Variants in CFAP299 observed in about 807,000 individuals in gnomAD.
The protein encoded by CFAP299 is cilia and flagella associated protein 299.
Under a neutral mutation model 27.0 loss-of-function variants are expected in CFAP299, and 21 were observed. The ratio of observed to expected loss-of-function variants is 0.78; its 90% confidence interval spans 0.55 to 1.12. The LOEUF (loss-of-function observed/expected upper bound fraction) is 1.12, where lower values mean the gene tolerates loss of function less well. CFAP299 is among the 50% of genes most tolerant of loss of function. The pLI is 0.00. For missense variants in CFAP299, 310 were observed against 276.6 expected (o/e 1.12, Z -0.86); for synonymous variants, 104 against 98.1 (o/e 1.06, Z -0.36).
In CFAP299 at chr4:80,599,036, T is replaced by C. The variant is rs180719509; in HGVS notation, c.333+15853T>C. ...TTTGGCCTCTAGCCACCTCCAACTA[T>C]GTGAAAGTAAAAGCTTTATGCAAAA... is the stretch of plus-strand genomic sequence containing the variant. On this transcript the variant is annotated intron_variant, in intron 3 of 5. Transcript: ENST00000358105. 2.4e-3 allele frequency among the ~76,000 whole-genome samples: 369 copies of C among 152,272 alleles called. 1 individual carries two copies. Among genetic ancestry groups the C allele is most frequent in the African/African-American group, 8.4e-3 (350 of 41,566 alleles).
At chr4:80,669,617 A>G (rs1183229669) in intron 3 of CFAP299, among the ~76,000 whole-genome samples, 1 of 147,692 alleles carries the variant, frequency 6.8e-6, no homozygotes, top group Admixed American at 6.7e-5. Context: ...TTCTACGTAT[A>G]AGATTATGTC....
chr4:80,692,524 C>T (rs1329652805), intron 3 of CFAP299, among the ~76,000 whole-genome samples: 2 of 152,152 alleles, frequency 1.3e-5, no homozygotes, highest in East Asian at 3.9e-4. Context: ...CCCTTCCTTA[C>T]ACCTTATACA....
intron 2 of CFAP299, among the ~76,000 whole-genome samples, chr4:80,397,937 C>G (rs1235566090): frequency 6.6e-6 from 1 of 152,058 alleles, no homozygotes; most frequent in Non-Finnish European, 1.5e-5. Context: ...TTTAGAAAAC[C>G]CCATCATCTC....
intron 2 of CFAP299, among the ~76,000 whole-genome samples, chr4:80,515,078 A>C: frequency 6.6e-6 from 1 of 152,148 alleles, no homozygotes; most frequent in East Asian, 1.9e-4. Context: ...AAAAAACTGC[A>C]TGCAGAAATT....
intron 3 of CFAP299, among the ~76,000 whole-genome samples, chr4:80,693,156 A>G (rs983856031): frequency 6.6e-6 from 1 of 152,224 alleles, no homozygotes; most frequent in Non-Finnish European, 1.5e-5. Flanking sequence ...TCAGGGATCT[A>G]GAACTAGAAA....
At chr4:80,616,688 C>T (rs563731742) in intron 3 of CFAP299, among the ~76,000 whole-genome samples, 6 of 152,040 alleles carry the variant, frequency 3.9e-5, no homozygotes, top group Admixed American at 6.5e-5. Flanking sequence ...TTATACTTCT[C>T]GGAGCTGTAT....
chr4:80,897,130 A>G (rs1734646039), intron 4 of CFAP299, among the ~76,000 whole-genome samples: 1 of 152,174 alleles, frequency 6.6e-6, no homozygotes, highest in Admixed American at 6.5e-5. Flanking sequence ...CCTTCTGGAT[A>G]TATTCTAGAA....
chr4:80,703,457 A>G (rs1721634612), intron 3 of CFAP299, among the ~76,000 whole-genome samples: 1 of 151,734 alleles, frequency 6.6e-6, no homozygotes, highest in Non-Finnish European at 1.5e-5. Flanking sequence ...CTTTAAAGGC[A>G]GAAGTGTACA....
intron 3 of CFAP299, among the ~76,000 whole-genome samples, chr4:80,665,654 T>C (rs1307569037): frequency 1.3e-5 from 2 of 152,208 alleles, no homozygotes; most frequent in African/African-American, 4.8e-5. Flanking sequence ...GGAAAAAACA[T>C]TGGTTATCAT....
chr4:80,390,977 A>G (rs138858197), intron 2 of CFAP299, among the ~76,000 whole-genome samples: 20 of 132,308 alleles, frequency 1.5e-4, no homozygotes, highest in East Asian at 4.9e-4. Context: ...ATATGTATGT[A>G]CACACATGTA....
At chr4:80,718,215 T>C (rs774664892) in intron 3 of CFAP299, among the ~76,000 whole-genome samples, 20 of 152,094 alleles carry the variant, frequency 1.3e-4, no homozygotes, top group Non-Finnish European at 2.9e-4. Flanking sequence ...CTTAAAAATA[T>C]GGATACAAAA....
chr4:80,942,236 G>A (rs536071944), intron 4 of CFAP299, among the ~76,000 whole-genome samples: 1 of 152,272 alleles, frequency 6.6e-6, no homozygotes, highest in East Asian at 1.9e-4. Flanking sequence ...ATATGCTACA[G>A]AGCTTCAGGT....
chr4:80,587,500 T>C (rs1322386039), intron 3 of CFAP299, among the ~76,000 whole-genome samples: 1 of 152,148 alleles, frequency 6.6e-6, no homozygotes, highest in Non-Finnish European at 1.5e-5. Context: ...ACCCAAAGTA[T>C]GGGGATAATA....
intron 3 of CFAP299, among the ~76,000 whole-genome samples, chr4:80,811,984 C>T (rs1254504176): frequency 6.6e-6 from 1 of 151,844 alleles, no homozygotes; most frequent in African/African-American, 2.4e-5. Flanking sequence ...GAAAAAGAAG[C>T]TAAAAGCCAA....
chr4:80,846,494 C>A (rs1300270888), intron 3 of CFAP299, among the ~76,000 whole-genome samples: 1 of 152,060 alleles, frequency 6.6e-6, no homozygotes, highest in African/African-American at 2.4e-5. Context: ...GGTGCCTATA[C>A]AAGATACAGA....
At chr4:80,873,011 G>C in intron 4 of CFAP299, 1 of 981,058 alleles carries the variant, frequency 1.0e-6, no homozygotes, top group Non-Finnish European at 1.2e-6. Context: ...TGCAGTTTGT[G>C]CTTTTGTATT....
chr4:80,642,149 A>G (rs982842622), intron 3 of CFAP299, among the ~76,000 whole-genome samples: 1 of 152,198 alleles, frequency 6.6e-6, no homozygotes, highest in African/African-American at 2.4e-5. Context: ...TACCACACTC[A>G]ATCTTCTAGT....
intron 3 of CFAP299, among the ~76,000 whole-genome samples, chr4:80,844,345 G>A (rs1245787541): frequency 6.6e-6 from 1 of 152,122 alleles, no homozygotes; most frequent in African/African-American, 2.4e-5. Flanking sequence ...TTCCACAGTG[G>A]TTGAACTAGT....
chr4:80,712,011 T>C (rs908696224), intron 3 of CFAP299, among the ~76,000 whole-genome samples: 9 of 152,170 alleles, frequency 5.9e-5, no homozygotes, highest in African/African-American at 9.7e-5. Context: ...CTTTCTAATG[T>C]TAGCTGCTAG....
Sources: gnomAD v4.1 joint callset for allele counts (sites outside exome capture counted in the v4.1 genomes callset) on GRCh38, gnomAD v4.1.1 for gene constraint, MANE v1.5 for transcripts, NCBI Gene and HGNC (gene_info 2026-07-23, HGNC 2026-07-21) for gene names.